The following ASXL3 variants were observed in gnomAD, a reference collection of about 807,000 sequenced individuals.
ASXL3 encodes the protein ASXL transcriptional regulator 3.
Under a neutral mutation model 170.6 loss-of-function variants are expected in ASXL3, and 34 were observed. The observed-to-expected ratio is 0.20, with a 90% confidence interval of 0.15 to 0.27. ASXL3 has a LOEUF of 0.27. Among genes scored for constraint, ASXL3 ranks in the 10% least tolerant of loss-of-function variants. The pLI is 1.00. For missense variants in ASXL3, 2,592 were observed against 2,695.3 expected (o/e 0.96, Z 0.85); for synonymous variants, 1,002 against 989.1 (o/e 1.01, Z -0.24).
Position 33,739,663 on chromosome 18 carries a change from T to C in ASXL3, c.2259T>C (p.Ser753=), listed in dbSNP as rs2067620938. Residue 753 remains serine, a synonymous_variant, in exon 11 of 12, where the codon TCT becomes TCC. Coordinates refer to ENST00000269197, the MANE Select transcript of ASXL3 (RefSeq NM_030632.3). The stretch of plus-strand genomic sequence containing the variant: ...GTTTGCCACTTCCTTCAGAAACATC[T>C]CCAATTTCCAACTCTTCCATAAATG... ...VSSLPLPSET[S]PISNSSINER... The C allele has an allele frequency of 6.2e-7, 1 of 1,613,804 alleles. No homozygotes were observed. The highest frequency in any genetic ancestry group is 1.3e-5 in the African/African-American group (1 of 74,910).
At chr18:33,680,572 CATT>C (rs1234160096) in intron 7 of ASXL3, among the ~76,000 whole-genome samples, 1 of 152,010 alleles carries the variant, frequency 6.6e-6, no homozygotes, top group African/African-American at 2.4e-5. Context: ...TTTCTGGTAA[CATT>C]ATGTGATGTC....
chr18:33,671,961 A>C, intron 7 of ASXL3, 95 bp downstream of exon 7: 9 of 1,263,172 alleles, frequency 7.1e-6, no homozygotes, highest in Non-Finnish European at 9.5e-6. Flanking sequence ...TTTAATGATT[A>C]AACAAGGAAA....
chr18:33,623,643 A>T (rs2065552905), intron 2 of ASXL3, among the ~76,000 whole-genome samples: 1 of 152,192 alleles, frequency 6.6e-6, no homozygotes, highest in African/African-American at 2.4e-5. Context: ...TCCAATTTGC[A>T]TTCTAAGATA....
chr18:33,740,002 T>C lies in ASXL3; in HGVS notation c.2598T>C (p.His866=). Residue 866 remains histidine (H), a synonymous_variant, in exon 11 of 12, where the codon CAT becomes CAC. Transcript: ENST00000269197. Reference sequence around the variant, plus strand: ...CTGAAATGATAAAAGTTAAAAATCATAGCGTCCTGCAAAGAACAGAAAAAA... The same window carrying C: ...CTGAAATGATAAAAGTTAAAAATCACAGCGTCCTGCAAAGAACAGAAAAAA... ...ASTEMIKVKN[H]SVLQRTEKKV... 3 of 1,613,874 alleles carry C rather than the reference T, an allele frequency of 1.9e-6. No individual in the cohort carries two copies. Among genetic ancestry groups the C allele is most frequent in the Non-Finnish European group, 2.5e-6 (3 of 1,179,838 alleles).
intron 2 of ASXL3, among the ~76,000 whole-genome samples, chr18:33,613,790 A>G (rs2065375824): frequency 6.6e-6 from 1 of 152,058 alleles, no homozygotes; most frequent in African/African-American, 2.4e-5. Flanking sequence ...ACTTGGTGGT[A>G]CATGCCTATA....
intron 8 of ASXL3, among the ~76,000 whole-genome samples, chr18:33,699,626 A>C (rs1472352013): frequency 6.6e-6 from 1 of 152,036 alleles, no homozygotes; most frequent in African/African-American, 2.4e-5. Flanking sequence ...TTCAGAAGAG[A>C]CTGGAAGGAG....
intron 8 of ASXL3, among the ~76,000 whole-genome samples, chr18:33,722,632 A>C (rs1356014001): frequency 6.6e-6 from 1 of 152,178 alleles, no homozygotes; most frequent in African/African-American, 2.4e-5. Context: ...CCATCTCTAT[A>C]ACCTAAAAGT....
At chr18:33,657,177 G>A (rs2066097536) in intron 4 of ASXL3, among the ~76,000 whole-genome samples, 1 of 152,060 alleles carries the variant, frequency 6.6e-6, no homozygotes, top group Admixed American at 6.6e-5. Flanking sequence ...AAGCTTTGGG[G>A]GAAGCTGTTC....
At chr18:33,673,850 G>A (rs186810152) in intron 7 of ASXL3, among the ~76,000 whole-genome samples, 16 of 152,202 alleles carry the variant, frequency 1.1e-4, no homozygotes, top group African/African-American at 3.4e-4. Context: ...AAGTATTTCC[G>A]CTGACTTGTT....
intron 4 of ASXL3, among the ~76,000 whole-genome samples, chr18:33,651,027 C>T (rs566070463): frequency 3.3e-4 from 50 of 152,044 alleles, no homozygotes; most frequent in Non-Finnish European, 5.7e-4. Flanking sequence ...ATTGCAAGCC[C>T]AGGTGTGACA....
chr18:33,730,804 G>C (rs1423359937), intron 8 of ASXL3, among the ~76,000 whole-genome samples: 1 of 152,168 alleles, frequency 6.6e-6, no homozygotes, highest in African/African-American at 2.4e-5. Context: ...GGCTTAACAA[G>C]TATCTGTTGA....
Position 33,739,657 on chromosome 18 carries a change from A to T in ASXL3, c.2253A>T (p.Glu751Asp). 6.2e-7 allele frequency: 1 copy of T among 1,613,916 alleles called. No individual in the cohort carries two copies. Among genetic ancestry groups the T allele is most frequent in the Non-Finnish European group, 8.5e-7 (1 of 1,179,850 alleles). Residue 751 changes from glutamate to aspartate, a missense_variant, in exon 11 of 12, where the codon GAA becomes GAT. Glu to Asp is a conservative substitution (Grantham distance 45, BLOSUM62 2). This residue lies in a region of ASXL3 where 2,246 missense variants were observed against 2,219.6 expected (regional missense o/e 1.01). Transcript: ENST00000269197. Reference sequence around the variant, plus strand: ...TATCCAGTTTGCCACTTCCTTCAGAAACATCTCCAATTTCCAACTCTTCCA... The same window carrying T: ...TATCCAGTTTGCCACTTCCTTCAGATACATCTCCAATTTCCAACTCTTCCA... The part of the protein sequence containing the change: ...TFVSSLPLPS[E>D]TSPISNSSIN...
intron 2 of ASXL3, among the ~76,000 whole-genome samples, chr18:33,618,470 G>A (rs550279426): frequency 6.6e-6 from 1 of 152,054 alleles, no homozygotes; most frequent in African/African-American, 2.4e-5. Context: ...GGACCTCAGA[G>A]AAATTAAGAT....
At chr18:33,625,161 G>A (rs1170013991) in intron 2 of ASXL3, among the ~76,000 whole-genome samples, 1 of 151,896 alleles carries the variant, frequency 6.6e-6, no homozygotes, top group Non-Finnish European at 1.5e-5. Flanking sequence ...TATCATTATC[G>A]TTGTTTTTTT....
intron 5 of ASXL3, among the ~76,000 whole-genome samples, chr18:33,668,492 A>G (rs1248090281): frequency 1.3e-5 from 2 of 151,874 alleles, no homozygotes; most frequent in Non-Finnish European, 2.9e-5. Context: ...TTGTTTGCCT[A>G]CAGACACATA....
At chr18:33,733,724 T>A (rs1470239074) in intron 9 of ASXL3, among the ~76,000 whole-genome samples, 1 of 152,190 alleles carries the variant, frequency 6.6e-6, no homozygotes, top group Non-Finnish European at 1.5e-5. Context: ...TATTTCTTGC[T>A]GTTTTACTCA....
chr18:33,711,408 C>G (rs2067061011), intron 8 of ASXL3, among the ~76,000 whole-genome samples: 1 of 152,106 alleles, frequency 6.6e-6, no homozygotes, highest in South Asian at 2.1e-4. Context: ...GGCTGGACTC[C>G]TCTTGTCCAG....
Position 33,670,787 on chromosome 18 carries a change from T to C in ASXL3, c.592T>C (p.Ser198Pro), listed in dbSNP as rs1331658752. ...KVSDEQSDSP[S>P]GSESKNGEAD... is the part of the protein sequence containing the mutation. ...GTCTGATGAGCAGTCGGATTCGCCTTCAGGTAAAGAGCTGAAATATCATAT... is the reference window on the plus strand; with the variant it reads ...GTCTGATGAGCAGTCGGATTCGCCTCCAGGTAAAGAGCTGAAATATCATAT... The change falls in exon 6 of 12, where the codon TCA becomes CCA. Residue 198 changes from serine to proline, a missense_variant. By Grantham distance (74) the Ser-to-Pro change is moderately conservative. Transcript: ENST00000269197. 2 of 1,537,088 alleles carry C rather than the reference T, an allele frequency of 1.3e-6. No homozygotes were observed. Among genetic ancestry groups the C allele is most frequent in the Non-Finnish European group, 1.8e-6 (2 of 1,138,036 alleles).
chr18:33,663,472 C>T (rs1375960644), intron 5 of ASXL3, among the ~76,000 whole-genome samples: 1 of 152,090 alleles, frequency 6.6e-6, no homozygotes, highest in Non-Finnish European at 1.5e-5. Flanking sequence ...ATTACTAAAA[C>T]ATTACAAAAT....
Sources: allele counts gnomAD v4.1 joint callset (sites outside exome capture counted in the v4.1 genomes callset), GRCh38; gene constraint gnomAD v4.1.1; regional missense constraint gnomAD v4.1.1; transcripts MANE v1.5; gene names NCBI Gene and HGNC (gene_info 2026-07-23, HGNC 2026-07-21).